CCL28: variants seen among roughly 807,000 people sequenced by gnomAD.
The protein encoded by CCL28 is C-C motif chemokine ligand 28, also known as C-C motif chemokine 28.
CCL28 carries 4 observed loss-of-function variants against 7.1 expected under a neutral mutation model. The observed-to-expected ratio is 0.56, with a 90% CI of 0.28 to 1.29. CCL28 has a LOEUF of 1.29. CCL28 is among the 50% of genes most tolerant of loss of function. The pLI is 0.11. For synonymous variants in CCL28, 55 were observed against 57.8 expected (o/e 0.95, Z 0.22); for missense variants, 151 against 163.4 (o/e 0.92, Z 0.41).
At chr5:43,368,275 A>G in the CCL28 span, among the ~76,000 whole-genome samples, 8 of 152,338 alleles carry the variant, frequency 5.3e-5, no homozygotes, top group African/African-American at 1.9e-4. Flanking sequence ...TCTCCTTCAC[A>G]AAATTTTTGC....
chr5:43,390,568 G>A lies in CCL28; in HGVS notation c.65-2092C>T, dbSNP rs142947769. 8.0e-3 allele frequency among the ~76,000 whole-genome samples: 1,223 copies of A among 152,334 alleles called. 19 individuals are homozygous for A. The highest frequency in any genetic ancestry group is 0.027 in the African/African-American group (1,137 of 41,566). ...GTGAGATCAGCAGATGCGTTTCCCA[G>A]CTGGCCTGAGAAGCAGGCACTGAGG... On this transcript the variant is annotated intron_variant, in intron 1 of 2. Transcript: ENST00000361115.
At chr5:43,370,744 CT>C in the CCL28 span, among the ~76,000 whole-genome samples, 121 of 45,844 alleles carry the variant, frequency 2.6e-3, no homozygotes, top group Non-Finnish European at 2.6e-3. Context: ...CTTTCTCTCT[CT>C]TTTTTTTTTT....
rs571321929 is a variant in CCL28 at position 43,404,115 on chromosome 5, C to T, written c.64+8138G>A. Among the ~76,000 whole-genome samples the T allele has an allele frequency of 2.0e-5, 3 of 152,282 alleles. No homozygotes were observed. The East Asian group carries it at 5.8e-4, about 29-fold the overall frequency. ...ATATCATCCAGGAGAACTTCCCCAACCTAGCAAGGCAGGCCAACATTCAAA... is the reference window on the plus strand; with the variant it reads ...ATATCATCCAGGAGAACTTCCCCAATCTAGCAAGGCAGGCCAACATTCAAA... On this transcript the variant is annotated intron_variant, in intron 1 of 2. Coordinates refer to ENST00000361115, the MANE Select transcript of CCL28 (RefSeq NM_148672.3).
intron 2 of CCL28, among the ~76,000 whole-genome samples, chr5:43,386,049 A>G (rs998192153): frequency 6.6e-6 from 1 of 152,146 alleles, no homozygotes; most frequent in African/African-American, 2.4e-5. Flanking sequence ...TGGAGCCCTT[A>G]CAAGCTTCAA....
chr5:43,377,339 A>G (rs2111656437), downstream of CCL28: 1 of 152,176 alleles, frequency 6.6e-6, no homozygotes, highest in East Asian at 1.9e-4. Flanking sequence ...AAAAAATACT[A>G]AAACTAGCCA....
the CCL28 span, among the ~76,000 whole-genome samples, chr5:43,370,284 G>T: frequency 1.1e-4 from 16 of 152,200 alleles, no homozygotes; most frequent in African/African-American, 3.9e-4. Context: ...ATAAACATGT[G>T]TTCAGTGCCT....
At chr5:43,410,555 A>C (rs1168083835) in intron 1 of CCL28, among the ~76,000 whole-genome samples, 1 of 151,914 alleles carries the variant, frequency 6.6e-6, no homozygotes, top group Non-Finnish European at 1.5e-5. Context: ...GTTCCACCCC[A>C]CCGTCTCTAC....
At chr5:43,364,299 CTA>C in the CCL28 span, among the ~76,000 whole-genome samples, 17 of 109,882 alleles carry the variant, frequency 1.5e-4, no homozygotes, top group Admixed American at 5.4e-4. Context: ...AAAAGCAAAA[CTA>C]TATATGTGTG....
At chr5:43,369,540 T>C in the CCL28 span, among the ~76,000 whole-genome samples, 2,634 of 152,264 alleles carry the variant, frequency 0.017, 73 homozygotes, top group African/African-American at 0.06. Context: ...TTCTCCTACC[T>C]CAGCCTCCCA....
At chr5:43,407,224 A>G (rs149221145) in intron 1 of CCL28, among the ~76,000 whole-genome samples, 1,880 of 152,256 alleles carry the variant, frequency 0.012, 48 homozygotes, top group African/African-American at 0.043. Flanking sequence ...GAGGCATCAC[A>G]CTACCTGACT....
chr5:43,404,129 C>T (rs578052486), intron 1 of CCL28, among the ~76,000 whole-genome samples: 1 of 152,110 alleles, frequency 6.6e-6, no homozygotes, highest in Non-Finnish European at 1.5e-5. Context: ...GCAAGGCAGG[C>T]CAACATTCAA....
intron 1 of CCL28, among the ~76,000 whole-genome samples, chr5:43,396,415 T>C (rs1240214474): frequency 6.6e-6 from 1 of 152,222 alleles, no homozygotes; most frequent in African/African-American, 2.4e-5. Context: ...TGCAGCTTAG[T>C]AGGTTTCAGC....
the CCL28 span, among the ~76,000 whole-genome samples, chr5:43,364,606 T>TAAAA: frequency 3.3e-5 from 5 of 151,850 alleles, no homozygotes; most frequent in African/African-American, 1.2e-4. Flanking sequence ...ATTTCAGTTC[T>TAAAA]AAAAAAAATG....
chr5:43,394,140 A>G lies in CCL28; in HGVS notation c.65-5664T>C, dbSNP rs190271654. On this transcript the variant is annotated intron_variant, in intron 1 of 2. Coordinates refer to ENST00000361115, the MANE Select transcript of CCL28 (RefSeq NM_148672.3). Reference sequence around the variant, plus strand: ...ACTCCTTAAATCTTCAAGTTTACACATACACATAGGTCTGCTTCTGGGCTT... The same window carrying G: ...ACTCCTTAAATCTTCAAGTTTACACGTACACATAGGTCTGCTTCTGGGCTT... 1.4e-3 allele frequency among the ~76,000 whole-genome samples: 217 copies of G among 152,316 alleles called. 1 individual carries two copies. Among genetic ancestry groups the G allele is most frequent in the African/African-American group, 5.0e-3 (207 of 41,582 alleles).
chr5:43,388,934 C>A (rs1740451073), intron 1 of CCL28, among the ~76,000 whole-genome samples: 1 of 152,070 alleles, frequency 6.6e-6, no homozygotes, highest in Non-Finnish European at 1.5e-5. Context: ...GGAGGCAGGC[C>A]ATAATAATCC....
chr5:43,360,869 A>C, the CCL28 span, among the ~76,000 whole-genome samples: 1 of 152,022 alleles, frequency 6.6e-6, no homozygotes, highest in East Asian at 1.9e-4. Flanking sequence ...CAGGATGTGC[A>C]GGTTTGTTAC....
At chr5:43,371,397 T>G in the CCL28 span, among the ~76,000 whole-genome samples, 1 of 152,228 alleles carries the variant, frequency 6.6e-6, no homozygotes, top group African/African-American at 2.4e-5. Flanking sequence ...CCCACCCACA[T>G]GGTATCAGAT....
intron 1 of CCL28, among the ~76,000 whole-genome samples, chr5:43,411,309 T>C (rs1283872123): frequency 6.6e-6 from 1 of 152,180 alleles, no homozygotes; most frequent in Non-Finnish European, 1.5e-5. Flanking sequence ...GAGTCATTGG[T>C]CAAGTATTAA....
downstream of CCL28, among the ~76,000 whole-genome samples, chr5:43,376,057 T>G (rs1328829869): frequency 6.6e-6 from 1 of 152,192 alleles, no homozygotes; most frequent in Non-Finnish European, 1.5e-5. Flanking sequence ...AGGGCTCCTA[T>G]GATTAAGTCA....
Sources: allele counts gnomAD v4.1 joint callset (sites outside exome capture counted in the v4.1 genomes callset), GRCh38; gene constraint gnomAD v4.1.1; transcripts MANE v1.5; gene names NCBI Gene and HGNC (gene_info 2026-07-23, HGNC 2026-07-21).